The following SBF2 variants were observed in gnomAD, a reference collection of about 807,000 sequenced individuals.
SBF2 encodes SET binding factor 2, also known as myotubularin-related protein 13.
SBF2 carries 112 observed loss-of-function variants against 225.2 expected under a neutral mutation model. The observed-to-expected ratio is 0.50, with a 90% CI of 0.43 to 0.58. The LOEUF (loss-of-function observed/expected upper bound fraction) is 0.58, where lower values mean the gene tolerates loss of function less well. Among genes scored for constraint, SBF2 ranks in the 20% least tolerant of loss-of-function variants. The probability of loss-of-function intolerance (pLI) is 0.00; values close to 1 mark genes in which losing one functional copy is unlikely to be tolerated. For synonymous variants in SBF2, 763 were observed against 773.3 expected (o/e 0.99, Z 0.22); for missense variants, 1,996 against 2,206.2 (o/e 0.90, Z 1.91).
chr11:9,895,112 A>G (rs1861132802), intron 17 of SBF2, among the ~76,000 whole-genome samples: 1 of 152,242 alleles, frequency 6.6e-6, no homozygotes, highest in Non-Finnish European at 1.5e-5. Context: ...TCATCCAACA[A>G]CAAACCATGC....
intron 16 of SBF2, among the ~76,000 whole-genome samples, chr11:9,903,093 A>T (rs372114620): frequency 6.6e-6 from 1 of 152,124 alleles, no homozygotes; most frequent in African/African-American, 2.4e-5. Flanking sequence ...AGGCTGAGGC[A>T]GGCGGATCAC....
chr11:9,967,407 T>C (rs1217263986), intron 14 of SBF2, among the ~76,000 whole-genome samples: 2 of 151,128 alleles, frequency 1.3e-5, no homozygotes, highest in South Asian at 2.1e-4. Context: ...TGCTGATACA[T>C]GCTACAACAT....
chr11:10,214,927 A>C (rs1466224688), intron 1 of SBF2, among the ~76,000 whole-genome samples: 1 of 152,200 alleles, frequency 6.6e-6, no homozygotes, highest in East Asian at 1.9e-4. Context: ...CTTTGGAAAA[A>C]GTAGAGAGGC....
chr11:9,995,534 C>T (rs567003362), intron 9 of SBF2, among the ~76,000 whole-genome samples: 3 of 152,238 alleles, frequency 2.0e-5, no homozygotes, highest in Non-Finnish European at 2.9e-5. Flanking sequence ...TAATTATTTA[C>T]GAATGAAACA....
At chr11:10,220,130 G>A (rs1208985690) in intron 1 of SBF2, among the ~76,000 whole-genome samples, 1 of 152,152 alleles carries the variant, frequency 6.6e-6, no homozygotes, top group Non-Finnish European at 1.5e-5. Flanking sequence ...CATGGCTCAG[G>A]AGGCCTCACA....
chr11:9,967,957 C>G (rs1256835078), intron 14 of SBF2, among the ~76,000 whole-genome samples: 117 of 115,442 alleles, frequency 1.0e-3, no homozygotes, highest in African/African-American at 3.0e-3. Flanking sequence ...GTCTCTCTCT[C>G]TCTCTCTCTC....
At chr11:10,017,507 C>A (rs1948699740) in intron 6 of SBF2, among the ~76,000 whole-genome samples, 1 of 152,002 alleles carries the variant, frequency 6.6e-6, no homozygotes, top group Non-Finnish European at 1.5e-5. Flanking sequence ...TGAATAAAGA[C>A]AATATCCTTA....
chr11:9,962,673 CTT>C (rs1023182601), intron 15 of SBF2, among the ~76,000 whole-genome samples: 10 of 152,184 alleles, frequency 6.6e-5, no homozygotes, highest in African/African-American at 2.2e-4. Context: ...CATTAAAACT[CTT>C]TTCGCTTTAC....
chr11:10,262,357 A>C (rs1410935651), intron 1 of SBF2, among the ~76,000 whole-genome samples: 3 of 152,190 alleles, frequency 2.0e-5, no homozygotes, highest in Non-Finnish European at 4.4e-5. Context: ...GAAATTTTTC[A>C]TAATCAAATG....
At chr11:10,233,570 T>C (rs1958944097) in intron 1 of SBF2, among the ~76,000 whole-genome samples, 1 of 149,544 alleles carries the variant, frequency 6.7e-6, no homozygotes, top group Non-Finnish European at 1.5e-5. Context: ...TCTCTCTCTC[T>C]CAAAGATTCT....
At chr11:10,041,156 G>C (rs1185934561) in intron 3 of SBF2, among the ~76,000 whole-genome samples, 1 of 152,048 alleles carries the variant, frequency 6.6e-6, no homozygotes, top group East Asian at 1.9e-4. Context: ...TGAATTCTCA[G>C]CATTAACTTA....
At chr11:10,018,257 A>G (rs1430607113) in intron 6 of SBF2, among the ~76,000 whole-genome samples, 7 of 152,168 alleles carry the variant, frequency 4.6e-5, no homozygotes, top group African/African-American at 1.7e-4. Flanking sequence ...GGATGGATAT[A>G]AAGAAATATG....
At chr11:10,170,717 G>C (rs1956149082) in intron 2 of SBF2, among the ~76,000 whole-genome samples, 1 of 151,978 alleles carries the variant, frequency 6.6e-6, no homozygotes, top group Non-Finnish European at 1.5e-5. Flanking sequence ...GGACTGCACT[G>C]AATCTATAGA....
intron 7 of SBF2, 101 bp downstream of exon 7, chr11:10,002,456 C>T: frequency 1.1e-6 from 1 of 934,620 alleles, no homozygotes; most frequent in Non-Finnish European, 1.7e-6. Context: ...TGTAAAATAT[C>T]CCTATGTGGT....
chr11:10,173,790 C>T lies in SBF2; in HGVS notation c.141+20112G>A, dbSNP rs191223761. Among the ~76,000 whole-genome samples the T allele has an allele frequency of 4.0e-5, 6 of 149,730 alleles. No individual in the cohort carries two copies. The East Asian group carries it at 1.3e-3, about 32-fold the overall frequency. On this transcript the variant is annotated intron_variant, in intron 2 of 39. Transcript: ENST00000256190. ...GACAGCTTTGAAGAGAGCAGTGGTT[C>T]TCCCAGCACGCAGCTGGAGATCTGA...
In SBF2 at chr11:10,072,474, A is replaced by AT. The variant is rs71453946; in HGVS notation, c.142-29494dup. On this transcript the variant is annotated intron_variant, in intron 2 of 39. Transcript: ENST00000256190. ...AGGAAACAGTTGAAGATATACTTCT[A>AT]TTTTTTTTTTCAATTAAAATTGACA... is the stretch of plus-strand genomic sequence containing the variant. Among the ~76,000 whole-genome samples, 364 of 149,468 alleles carry AT rather than the reference A, an allele frequency of 2.4e-3. 1 individual carries two copies. The highest frequency in any genetic ancestry group is 5.6e-3 in the Admixed American group (83 of 14,952).
chr11:9,988,023 A>C lies in SBF2; in HGVS notation c.1395+1474T>G, dbSNP rs182427434. 7.2e-5 allele frequency among the ~76,000 whole-genome samples: 11 copies of C among 152,348 alleles called. No individual in the cohort carries two copies. In the South Asian group the frequency reaches 2.3e-3, roughly 32 times the overall value. On this transcript the variant is annotated intron_variant, in intron 13 of 39. Transcript: ENST00000256190. ...ACACTACCTGATTTCAAACTATACTATAAGGCCATAGTCACCAAAACAGCA... is the reference window on the plus strand; with the variant it reads ...ACACTACCTGATTTCAAACTATACTCTAAGGCCATAGTCACCAAAACAGCA...
intron 1 of SBF2, among the ~76,000 whole-genome samples, chr11:10,212,781 C>G (rs1429848786): frequency 6.6e-6 from 1 of 152,172 alleles, no homozygotes; most frequent in Non-Finnish European, 1.5e-5. Context: ...GCAGGGCGCG[C>G]TGGCTCACGC....
intron 1 of SBF2, among the ~76,000 whole-genome samples, chr11:10,284,921 G>GTT (rs34656701): frequency 0.036 from 5,289 of 147,844 alleles, 293 homozygotes; most frequent in African/African-American, 0.12. Flanking sequence ...GCTGACAAGA[G>GTT]TTTTTTTTTT....
Sources: gnomAD v4.1 joint callset for allele counts (sites outside exome capture counted in the v4.1 genomes callset) on GRCh38, gnomAD v4.1.1 for gene constraint, MANE v1.5 for transcripts, NCBI Gene and HGNC (gene_info 2026-07-23, HGNC 2026-07-21) for gene names.